PCNX2: variants seen among roughly 807,000 people sequenced by gnomAD.
PCNX2 encodes the protein pecanex 2, also known as pecanex-like protein 2.
Under a neutral mutation model 223.8 loss-of-function variants are expected in PCNX2, and 168 were observed. The ratio of observed to expected loss-of-function variants is 0.75; its 90% CI spans 0.66 to 0.85. The LOEUF (loss-of-function observed/expected upper bound fraction) is 0.85. Ranked by LOEUF, PCNX2 falls within the 40% of genes least tolerant of loss-of-function variation. The pLI, the probability that PCNX2 is intolerant of heterozygous loss-of-function variation, is 0.00. For synonymous variants in PCNX2, 1,006 were observed against 1,052.6 expected (o/e 0.96, Z 0.86); for missense variants, 2,507 against 2,675.5 (o/e 0.94, Z 1.39).
At chr1:232,997,498 C>T (rs1174875216) in intron 32 of PCNX2, among the ~76,000 whole-genome samples, 1 of 152,138 alleles carries the variant, frequency 6.6e-6, no homozygotes, top group Admixed American at 6.5e-5. Flanking sequence ...AAAGTAAAAC[C>T]ACTAACATGC....
chr1:233,157,677 A>G (rs529809886), intron 19 of PCNX2, among the ~76,000 whole-genome samples: 1 of 152,316 alleles, frequency 6.6e-6, no homozygotes, highest in African/African-American at 2.4e-5. Flanking sequence ...AAAAAAATGA[A>G]GAGTCAAAAC....
At chr1:233,134,547 A>C (rs1232703945) in intron 21 of PCNX2, among the ~76,000 whole-genome samples, 1 of 151,916 alleles carries the variant, frequency 6.6e-6, no homozygotes. Context: ...AAGAAAAGAA[A>C]ACAGAAGAAA....
intron 8 of PCNX2, chr1:233,250,461 T>G (rs1659387826): frequency 1.2e-5 from 9 of 769,206 alleles, no homozygotes; most frequent in Non-Finnish European, 1.4e-5. Context: ...CCATCTTTCT[T>G]GAAGAGAACA....
Position 232,999,298 on chromosome 1 carries a change from C to T in PCNX2, c.5410G>A (p.Gly1804Ser), listed in dbSNP as rs570663473. Residue 1804 changes from glycine (G) to serine (S), a missense_variant, in exon 31 of 34, where the codon GGC becomes AGC. Gly to Ser is a moderately conservative substitution (Grantham distance 56, BLOSUM62 0). Coordinates refer to ENST00000258229, the MANE Select transcript of PCNX2 (RefSeq NM_014801.4). ...ACCTGCTTATTGTTCTGGATACTGC[C>T]GCGCTCCGGATTGCGGTTGCGAAGA... ...IFLRNRNPER[G>S]SIQNNKQVLR... The T allele has an allele frequency of 5.6e-6, 9 of 1,610,706 alleles. No homozygotes were observed. Among genetic ancestry groups the T allele is most frequent in the Admixed American group, 3.4e-5 (2 of 59,484 alleles).
intron 10 of PCNX2, among the ~76,000 whole-genome samples, chr1:233,223,353 A>C (rs535444169): frequency 1.2e-4 from 19 of 152,306 alleles, no homozygotes; most frequent in African/African-American, 3.6e-4. Context: ...GAAAGGAGCA[A>C]ATGGAAACAA....
chr1:233,076,468 G>A (rs1022820492), intron 23 of PCNX2, among the ~76,000 whole-genome samples: 5 of 152,166 alleles, frequency 3.3e-5, no homozygotes, highest in African/African-American at 1.2e-4. Flanking sequence ...TCTCGGGAGA[G>A]GCAGCAACTT....
chr1:233,014,962 G>GA (rs928265986), intron 27 of PCNX2, among the ~76,000 whole-genome samples, 185 bp from the exon 28 acceptor site: 9 of 150,582 alleles, frequency 6.0e-5, no homozygotes, highest in African/African-American at 1.7e-4. Flanking sequence ...GTTGGACACG[G>GA]AAAAAAAAAT....
At chr1:232,996,294 C>T (rs1211387059) in intron 32 of PCNX2, among the ~76,000 whole-genome samples, 4 of 152,168 alleles carry the variant, frequency 2.6e-5, no homozygotes, top group Admixed American at 2.0e-4. Context: ...CTCCAGTCCA[C>T]ACAAGTCACC....
In PCNX2 at chr1:233,199,410, G is replaced by A. The variant is rs147574794; in HGVS notation, c.2975-380C>T. On this transcript the variant is annotated intron_variant, in intron 14 of 33. Transcript: ENST00000258229. ...AGGAGGGAGAAGGCAGGAGGAGAGA[G>A]GAGACGGGAAAGGGAATAAGCAAGT... Among the ~76,000 whole-genome samples, 1,279 of 152,136 alleles carry A rather than the reference G, an allele frequency of 8.4e-3. 19 individuals are homozygous for A. The highest frequency in any genetic ancestry group is 0.029 in the African/African-American group (1,217 of 41,502).
At position 233,131,763 on chromosome 1, in the gene PCNX2, G is replaced by C. The variant is rs567079629; in HGVS notation, c.3837+3250C>G. 1.9e-4 allele frequency among the ~76,000 whole-genome samples: 29 copies of C among 152,068 alleles called. No homozygotes were observed. The South Asian group carries it at 5.8e-3, about 30-fold the overall frequency. ...TTTTTGACACTTAGCCATTATCCCA[G>C]CCTAAGAGTGGATTATTCAAATAAT... On this transcript the variant is annotated intron_variant, in intron 21 of 33. Coordinates refer to ENST00000258229, the MANE Select transcript of PCNX2 (RefSeq NM_014801.4).
chr1:233,235,986 A>ATATATATATATATATATATATATAT (rs71173262), intron 9 of PCNX2, among the ~76,000 whole-genome samples: 1 of 138,284 alleles, frequency 7.2e-6, no homozygotes, highest in Non-Finnish European at 1.6e-5. Context: ...ATATATATAT[A>ATATATATATATATATATATATATAT]ATTATATTAT....
intron 19 of PCNX2, among the ~76,000 whole-genome samples, chr1:233,141,317 T>C (rs1037172757): frequency 6.6e-6 from 1 of 152,238 alleles, no homozygotes; most frequent in Non-Finnish European, 1.5e-5. Context: ...CATATTTCTA[T>C]ATAAGAATAT....
chr1:233,287,287 T>G (rs1661501560), intron 1 of PCNX2, among the ~76,000 whole-genome samples: 2 of 152,192 alleles, frequency 1.3e-5, no homozygotes, highest in Non-Finnish European at 2.9e-5. Flanking sequence ...TTGTACATTT[T>G]TAGTGTTTGT....
intron 25 of PCNX2, among the ~76,000 whole-genome samples, chr1:233,029,935 C>T (rs780610261): frequency 4.6e-5 from 7 of 151,772 alleles, no homozygotes; most frequent in Admixed American, 1.3e-4. Context: ...TTGTGTTTGT[C>T]TTGCTTGGGA....
upstream of PCNX2, among the ~76,000 whole-genome samples, chr1:233,300,219 A>C (rs1211960570): frequency 6.6e-6 from 1 of 152,242 alleles, no homozygotes; most frequent in South Asian, 2.1e-4. Flanking sequence ...AACAAGATAC[A>C]TCCTTCCTTT....
chr1:233,003,721 T>C (rs1291114171), intron 28 of PCNX2, among the ~76,000 whole-genome samples: 1 of 152,188 alleles, frequency 6.6e-6, no homozygotes, highest in Admixed American at 6.5e-5. Context: ...ACTGCAGCGC[T>C]ATTCACAACA....
chr1:233,172,573 T>C, intron 17 of PCNX2: 1 of 984,746 alleles, frequency 1.0e-6, no homozygotes, highest in Non-Finnish European at 1.2e-6. Context: ...AGGCTGATGA[T>C]CCATGGTCTG....
intron 8 of PCNX2, among the ~76,000 whole-genome samples, chr1:233,240,652 C>T (rs1358305482): frequency 6.6e-6 from 1 of 152,102 alleles, no homozygotes; most frequent in African/African-American, 2.4e-5. Flanking sequence ...GATTGAGCTC[C>T]AAGCAATAGC....
intron 22 of PCNX2, among the ~76,000 whole-genome samples, chr1:233,090,757 AACACCACATGC>A (rs1390711650): frequency 6.6e-6 from 1 of 152,142 alleles, no homozygotes; most frequent in Non-Finnish European, 1.5e-5. Flanking sequence ...TTAAGCAAAA[AACACCACATGC>A]ACATGAAGTA....
Sources: gnomAD v4.1 joint callset for allele counts (sites outside exome capture counted in the v4.1 genomes callset) on GRCh38, gnomAD v4.1.1 for gene constraint, MANE v1.5 for transcripts, NCBI Gene and HGNC (gene_info 2026-07-23, HGNC 2026-07-21) for gene names.